NOX3: variants seen among roughly 807,000 people sequenced by gnomAD.
NOX3 encodes NADPH oxidase 3.
A neutral mutation model predicts 76.7 loss-of-function variants in NOX3; 74 were observed. The observed-to-expected ratio is 0.96, with a 90% CI of 0.80 to 1.17. NOX3 has a LOEUF of 1.17. Ranked by LOEUF, NOX3 falls within the 50% of genes most tolerant of loss-of-function variation. The pLI is 0.00. For missense variants in NOX3, 695 were observed against 703.3 expected, an observed-to-expected ratio of 0.99 and a Z score of 0.13; for synonymous variants, 263 against 261.1, an observed-to-expected ratio of 1.01 and a Z score of -0.07.
Position 155,453,462 on chromosome 6 carries a change from T to C in NOX3, c.282A>G (p.Gln94=), listed in dbSNP as rs570503952. Residue 94 remains glutamine, a synonymous_variant, in exon 4 of 14, where the codon CAA becomes CAG. Coordinates refer to ENST00000159060, the MANE Select transcript of NOX3 (RefSeq NM_015718.3). ...SICCRGPWRR[Q]LDKNLRFHKL... ...TGTGAAATCTGAGGTTTTTGTCTAA[T>C]TGCCTCCTCCACGGTCCTCTGCAGC... 9 of 1,613,762 alleles carry C rather than the reference T, an allele frequency of 5.6e-6. No individual in the cohort carries two copies. The highest frequency in any genetic ancestry group is 1.1e-5 in the South Asian group (1 of 91,086).
At position 155,453,420 on chromosome 6, in the gene NOX3, C is replaced by T. The variant is rs910090526; in HGVS notation, c.324G>A (p.Gly108=). 5 of 1,612,798 alleles carry T rather than the reference C, an allele frequency of 3.1e-6. No individual in the cohort carries two copies. The South Asian group carries it at 5.5e-5, about 18-fold the overall frequency. ...AGTACTTACTTGCATTAACAGCTAT[C>T]CCATAGGCGACCAGTTTGTGAAATC... ...NLRFHKLVAY[G]IAVNATIHIV... The change falls in exon 4 of 14, where the codon GGG becomes GGA. Residue 108 remains glycine (G), a synonymous_variant. Coordinates refer to ENST00000159060, the MANE Select transcript of NOX3 (RefSeq NM_015718.3).
At chr6:155,399,974 G>A (rs184928412) in intron 12 of NOX3, among the ~76,000 whole-genome samples, 6 of 152,252 alleles carry the variant, frequency 3.9e-5, no homozygotes, top group Non-Finnish European at 7.4e-5. Context: ...TGATCAGTCT[G>A]GGCTGCTGAC....
intron 5 of NOX3, among the ~76,000 whole-genome samples, chr6:155,440,460 A>G (rs1317475803): frequency 4.0e-5 from 6 of 151,340 alleles, no homozygotes; most frequent in East Asian, 3.9e-4. Context: ...ATTATACTGG[A>G]AAAAAAACCC....
At chr6:155,414,375 T>C (rs2114683323) in intron 10 of NOX3, among the ~76,000 whole-genome samples, 1 of 152,272 alleles carries the variant, frequency 6.6e-6, no homozygotes, top group African/African-American at 2.4e-5. Context: ...ATCTGTGCTT[T>C]CCAATGCTCA....
At chr6:155,437,916 A>C (rs1355544865) in intron 6 of NOX3, among the ~76,000 whole-genome samples, 14 of 152,266 alleles carry the variant, frequency 9.2e-5, no homozygotes, top group Admixed American at 9.2e-4. Flanking sequence ...GCTGTAGAAT[A>C]CTTCACACTG....
At chr6:155,444,663 T>A (rs1777037027) in intron 4 of NOX3, among the ~76,000 whole-genome samples, 1 of 152,172 alleles carries the variant, frequency 6.6e-6, no homozygotes, top group Non-Finnish European at 1.5e-5. Flanking sequence ...CACCTCAAAC[T>A]GCAAAAGTTA....
intron 12 of NOX3, among the ~76,000 whole-genome samples, chr6:155,406,734 C>T (rs1379529357): frequency 2.0e-5 from 3 of 152,130 alleles, no homozygotes; most frequent in African/African-American, 4.8e-5. Context: ...AACCACCACC[C>T]GAAATCCCTG....
intron 9 of NOX3, among the ~76,000 whole-genome samples, chr6:155,424,515 T>A (rs892865836): frequency 6.6e-6 from 1 of 152,130 alleles, no homozygotes; most frequent in Non-Finnish European, 1.5e-5. Flanking sequence ...CCCTAAGGGG[T>A]GTCTGTTGAA....
At chr6:155,422,636 A>T (rs1776704801) in intron 10 of NOX3, 58 bp downstream of exon 10, 2 of 1,521,022 alleles carry the variant, frequency 1.3e-6, no homozygotes, top group Non-Finnish European at 1.8e-6. Context: ...CAGATGATAG[A>T]TATAAGGACA....
At chr6:155,405,383 C>T (rs1394997295) in intron 12 of NOX3, among the ~76,000 whole-genome samples, 1 of 152,194 alleles carries the variant, frequency 6.6e-6, no homozygotes, top group East Asian at 1.9e-4. Flanking sequence ...TGTCTGTTCC[C>T]TGACCATCCA....
chr6:155,431,413 A>AACACACACACACACACACACAC (rs61041630), intron 7 of NOX3, among the ~76,000 whole-genome samples: 11 of 144,726 alleles, frequency 7.6e-5, no homozygotes, highest in East Asian at 4.2e-4. Context: ...TAAACACAGA[A>AACACACACACACACACACACAC]ACACACACAC....
chr6:155,433,855 A>G (rs958791606), intron 7 of NOX3, among the ~76,000 whole-genome samples: 2 of 152,178 alleles, frequency 1.3e-5, no homozygotes, highest in African/African-American at 4.8e-5. Flanking sequence ...GGGAAGAACT[A>G]TTTAGTATCT....
chr6:155,423,080 C>T (rs1776711906), intron 9 of NOX3, among the ~76,000 whole-genome samples: 1 of 152,182 alleles, frequency 6.6e-6, no homozygotes, highest in African/African-American at 2.4e-5. Flanking sequence ...AGGCACTGTT[C>T]ATGGAAGGAC....
chr6:155,435,958 C>G (rs1241473722), intron 7 of NOX3, among the ~76,000 whole-genome samples: 1 of 152,148 alleles, frequency 6.6e-6, no homozygotes, highest in East Asian at 1.9e-4. Context: ...GTTTTTGATC[C>G]TTGAAGTTGT....
chr6:155,443,368 G>A lies in NOX3; in HGVS notation c.391C>T (p.Gln131Ter). Reference protein sequence around the residue: ...FFNLERYHWSQSEEAQGLLAA... With the variant: ...FFNLERYHWS ...AGAAGTCCCTGGGCCTCCTCGGACT[G>A]GCTCCAGTGGTAGCGTTCCAGGTTG... is the stretch of plus-strand genomic sequence containing the variant. The change falls in exon 5 of 14, where the codon CAG (glutamine) becomes TAG (stop). Residue 131 changes from glutamine (Q) to a stop codon, truncating the protein, a stop_gained. Transcript: ENST00000159060. LOFTEE classifies it high-confidence loss of function. 1 of 1,614,012 alleles carries A rather than the reference G, an allele frequency of 6.2e-7. No individual in the cohort carries two copies. The highest frequency in any genetic ancestry group is 1.1e-5 in the South Asian group (1 of 91,056).
At chr6:155,437,023 A>G (rs1164445906) in intron 6 of NOX3, among the ~76,000 whole-genome samples, 1 of 152,160 alleles carries the variant, frequency 6.6e-6, no homozygotes. Flanking sequence ...GAAGAATGGT[A>G]TTTTTCCTCC....
At chr6:155,448,218 C>T (rs1478722799) in intron 4 of NOX3, among the ~76,000 whole-genome samples, 2 of 152,154 alleles carry the variant, frequency 1.3e-5, no homozygotes, top group Non-Finnish European at 2.9e-5. Flanking sequence ...GCTCCTGTGT[C>T]TTTCTCTGAA....
chr6:155,450,120 A>G (rs1479381613), intron 4 of NOX3, among the ~76,000 whole-genome samples: 1 of 152,154 alleles, frequency 6.6e-6, no homozygotes, highest in African/African-American at 2.4e-5. Context: ...GATGAGGGGC[A>G]CTTTGCTCTG....
At chr6:155,455,370 AC>A (rs1294564985) in intron 1 of NOX3, among the ~76,000 whole-genome samples, 4 of 152,362 alleles carry the variant, frequency 2.6e-5, no homozygotes, top group East Asian at 1.9e-4. Flanking sequence ...TAATGAAACT[AC>A]AAAACCTTCT....
Sources: gnomAD v4.1 joint callset for allele counts (sites outside exome capture counted in the v4.1 genomes callset) on GRCh38, gnomAD v4.1.1 for gene constraint, MANE v1.5 for transcripts, NCBI Gene and HGNC (gene_info 2026-07-23, HGNC 2026-07-21) for gene names.